The following KDM2A variants were observed in gnomAD, a reference collection of about 807,000 sequenced individuals.
The protein encoded by KDM2A is lysine-specific demethylase 2A.
Under a neutral mutation model 137.3 loss-of-function variants are expected in KDM2A, and 3 were observed. The observed-to-expected ratio is 0.02, with a 90% CI of 0.01 to 0.06. The LOEUF is 0.06. Ranked by LOEUF, KDM2A falls within the 10% of genes least tolerant of loss-of-function variation. The probability of loss-of-function intolerance (pLI) is 1.00; values close to 1 mark genes in which losing one functional copy is unlikely to be tolerated. For synonymous variants in KDM2A, 512 were observed against 541.5 expected (o/e 0.95, Z 0.76); for missense variants, 738 against 1,510.6 (o/e 0.49, Z 8.48).
At chr11:67,143,942 C>CT (rs1476625814) in intron 2 of KDM2A, among the ~76,000 whole-genome samples, 1 of 147,430 alleles carries the variant, frequency 6.8e-6, no homozygotes, top group Non-Finnish European at 1.5e-5. Flanking sequence ...TTAAAAAAAA[C>CT]TATTTTTTTT....
chr11:67,187,552 A>T (rs545536660), intron 5 of KDM2A, among the ~76,000 whole-genome samples: 5 of 119,302 alleles, frequency 4.2e-5, no homozygotes, highest in Admixed American at 7.6e-5. Flanking sequence ...AATTGATTTT[A>T]TTTATTTATT....
intron 12 of KDM2A, chr11:67,240,107 G>C (rs1858983157): frequency 1.5e-6 from 2 of 1,375,612 alleles, no homozygotes; most frequent in Non-Finnish European, 1.9e-6. Flanking sequence ...CGCAGGCACA[G>C]GAAGCCGCGG....
At chr11:67,235,929 A>C (rs1858859830) in intron 12 of KDM2A, among the ~76,000 whole-genome samples, 1 of 152,128 alleles carries the variant, frequency 6.6e-6, no homozygotes, top group African/African-American at 2.4e-5. Context: ...AGATATCCTT[A>C]ACATTTCTAA....
intron 5 of KDM2A, among the ~76,000 whole-genome samples, chr11:67,203,838 C>A (rs998636495): frequency 1.3e-5 from 2 of 149,316 alleles, no homozygotes; most frequent in Non-Finnish European, 3.0e-5. Context: ...CTTGCTGTGT[C>A]GCCCAGGTCC....
In KDM2A at chr11:67,129,337, C is replaced by A. The variant is rs749353463; in HGVS notation, c.42+7979C>A. ...GGTACAGTGACTTAGGCCTGTAATC[C>A]CAGCACTTTGGGAGACCAAGGCCAG... On this transcript the variant is annotated intron_variant, in intron 2 of 20. Transcript: ENST00000529006. Among the ~76,000 whole-genome samples the A allele has an allele frequency of 6.4e-4, 97 of 152,254 alleles. 1 individual carries two copies. Among genetic ancestry groups the A allele is most frequent in the Non-Finnish European group, 1.1e-3 (74 of 68,032 alleles).
chr11:67,165,981 C>T (rs183909626), intron 2 of KDM2A, among the ~76,000 whole-genome samples: 1 of 152,074 alleles, frequency 6.6e-6, no homozygotes, highest in Non-Finnish European at 1.5e-5. Flanking sequence ...ATGTATTATA[C>T]TGATGACTTA....
intron 2 of KDM2A, among the ~76,000 whole-genome samples, chr11:67,151,049 G>A (rs567289220): frequency 7.2e-4 from 109 of 152,298 alleles, no homozygotes; most frequent in Non-Finnish European, 1.4e-3. Context: ...TATCATGGTG[G>A]ATAGTAGAAG....
chr11:67,164,564 A>C (rs992036515), intron 2 of KDM2A, among the ~76,000 whole-genome samples: 1 of 150,796 alleles, frequency 6.6e-6, no homozygotes, highest in Middle Eastern at 3.3e-3. Context: ...GTGATCCTCT[A>C]CCATGGCCTC....
chr11:67,223,548 G>A (rs527790240), intron 10 of KDM2A, among the ~76,000 whole-genome samples: 1 of 151,794 alleles, frequency 6.6e-6, no homozygotes, highest in Non-Finnish European at 1.5e-5. Context: ...GACCACAGAC[G>A]CACACCACCA....
In KDM2A at chr11:67,219,399, C is replaced by G; in HGVS notation, c.953C>G (p.Thr318Arg). The G allele has an allele frequency of 6.3e-7, 1 of 1,578,510 alleles. No homozygotes were observed. The highest frequency in any genetic ancestry group is 1.7e-5 in the Admixed American group (1 of 57,540). ...AAAATATACAACATTGAAGATCGGA[C>G]ACGGGTAAGTAATCTTATGTAACAG... Reference protein sequence around the residue: ...QLKIYNIEDRTRVPNKFRYPF... With the variant: ...QLKIYNIEDRRRVPNKFRYPF... Residue 318 changes from threonine (T) to arginine (R), a missense_variant, in exon 10 of 21, where the codon ACA becomes AGA. Thr to Arg is a moderately conservative substitution (Grantham distance 71). Transcript: ENST00000529006.
At chr11:67,187,303 A>C (rs1479347718) in intron 5 of KDM2A, among the ~76,000 whole-genome samples, 1 of 152,208 alleles carries the variant, frequency 6.6e-6, no homozygotes, top group Admixed American at 6.5e-5. Context: ...GTTCCTCCTT[A>C]CAAGTACTTT....
At chr11:67,135,477 G>A (rs1855952445) in intron 2 of KDM2A, among the ~76,000 whole-genome samples, 1 of 152,146 alleles carries the variant, frequency 6.6e-6, no homozygotes, top group African/African-American at 2.4e-5. Context: ...AAGACCGCAT[G>A]ATCACTCTGA....
intron 2 of KDM2A, among the ~76,000 whole-genome samples, chr11:67,137,381 T>G (rs1855991209): frequency 6.6e-6 from 1 of 152,172 alleles, no homozygotes; most frequent in East Asian, 1.9e-4. Flanking sequence ...TTAGGGAGAT[T>G]AATTAGGAGG....
chr11:67,201,535 C>T (rs934306777), intron 5 of KDM2A, among the ~76,000 whole-genome samples: 3 of 151,564 alleles, frequency 2.0e-5, no homozygotes, highest in African/African-American at 7.3e-5. Context: ...GTTTGGGAGG[C>T]CAAGGTGGGC....
chr11:67,139,983 C>T (rs56973649), intron 2 of KDM2A, among the ~76,000 whole-genome samples: 3,605 of 152,100 alleles, frequency 0.024, 137 homozygotes, highest in African/African-American at 0.08. Flanking sequence ...GAACTATAGG[C>T]GTGAGCCACC....
chr11:67,244,355 G>C (rs909719986), intron 13 of KDM2A, among the ~76,000 whole-genome samples: 34 of 152,148 alleles, frequency 2.2e-4, no homozygotes, highest in African/African-American at 7.5e-4. Flanking sequence ...CTACCAGTTC[G>C]TATGCTTGAA....
At chr11:67,204,428 A>G (rs1857740309) in intron 5 of KDM2A, among the ~76,000 whole-genome samples, 1 of 152,202 alleles carries the variant, frequency 6.6e-6, no homozygotes, top group East Asian at 1.9e-4. Flanking sequence ...TATATTTCAT[A>G]TAAATGGAAC....
intron 2 of KDM2A, among the ~76,000 whole-genome samples, chr11:67,146,282 C>T (rs1177411292): frequency 2.6e-5 from 4 of 151,848 alleles, no homozygotes; most frequent in South Asian, 2.1e-4. Flanking sequence ...CATGAGCCAC[C>T]GCACCTGGCC....
chr11:67,206,141 T>G (rs1036579147), intron 5 of KDM2A, among the ~76,000 whole-genome samples: 1 of 152,202 alleles, frequency 6.6e-6, no homozygotes, highest in Non-Finnish European at 1.5e-5. Context: ...GATTTAAACT[T>G]AGGTCTCAGG....
Sources: allele counts gnomAD v4.1 joint callset (sites outside exome capture counted in the v4.1 genomes callset), GRCh38; gene constraint gnomAD v4.1.1; transcripts MANE v1.5; gene names NCBI Gene and HGNC (gene_info 2026-07-23, HGNC 2026-07-21).